Variants in ATRNL1 observed in about 807,000 individuals in gnomAD.
ATRNL1 encodes the protein attractin-like protein 1.
ATRNL1 carries 95 observed loss-of-function variants against 182.7 expected under a neutral mutation model. That is an observed-to-expected ratio of 0.52 (90% CI 0.44 to 0.62). The LOEUF (loss-of-function observed/expected upper bound fraction) is 0.62. Among genes scored for constraint, ATRNL1 ranks in the 20% least tolerant of loss-of-function variants. The pLI, the probability that ATRNL1 is intolerant of heterozygous loss-of-function variation, is 0.00. For missense variants in ATRNL1, 1,471 were observed against 1,679.5 expected (o/e 0.88, Z 2.17); for synonymous variants, 576 against 568.3 (o/e 1.01, Z -0.19).
chr10:115,368,957 G>C (rs997898544), intron 19 of ATRNL1, among the ~76,000 whole-genome samples: 1 of 151,964 alleles, frequency 6.6e-6, no homozygotes, highest in Non-Finnish European at 1.5e-5. Flanking sequence ...CAGGTGATCT[G>C]CCTGCCTTGG....
chr10:115,160,801 A>G (rs561334343), intron 6 of ATRNL1, among the ~76,000 whole-genome samples: 1 of 152,040 alleles, frequency 6.6e-6, no homozygotes, highest in East Asian at 1.9e-4. Flanking sequence ...GTAACAATAC[A>G]AAAGGAAATA....
chr10:115,836,109 A>G (rs1555095356), intron 27 of ATRNL1, among the ~76,000 whole-genome samples: 1 of 152,194 alleles, frequency 6.6e-6, no homozygotes, highest in East Asian at 1.9e-4. Context: ...TTCAATTTTA[A>G]GAACATCATC....
intron 8 of ATRNL1, among the ~76,000 whole-genome samples, chr10:115,187,680 T>TG (rs1461256298): frequency 3.3e-5 from 5 of 149,858 alleles, no homozygotes. Flanking sequence ...GTTTTTTTTT[T>TG]TTTTTTTTTT....
chr10:115,346,268 C>A (rs1554939681), intron 19 of ATRNL1, among the ~76,000 whole-genome samples: 2 of 152,266 alleles, frequency 1.3e-5, no homozygotes, highest in African/African-American at 4.8e-5. Context: ...CCCACTCCCC[C>A]ACCTCCTTCC....
Position 115,121,701 on chromosome 10 carries a change from C to A in ATRNL1, c.380C>A (p.Pro127Gln). 1.4e-6 allele frequency: 2 copies of A among 1,427,298 alleles called. No individual in the cohort carries two copies. The highest frequency in any genetic ancestry group is 2.1e-5 in the Admixed American group (1 of 48,674). 88.4% of individuals were successfully genotyped at this position (1,427,298 alleles called of 1,614,324 possible). The part of the protein sequence containing the change: ...TKCTWLIEGY[P>Q]NAVLRLRFNH... ...AAATATTTCATATTCATTTTCAGTCCAAATGCAGTGTTAAGATTAAGATTC... is the reference window on the plus strand; with the variant it reads ...AAATATTTCATATTCATTTTCAGTCAAAATGCAGTGTTAAGATTAAGATTC... Residue 127 changes from proline (P) to glutamine (Q), a missense_variant and splice_region_variant, in exon 3 of 29, where the codon CCA becomes CAA. Physicochemically the swap from Pro to Gln is moderately conservative, Grantham distance 76. Transcript: ENST00000355044.
intron 26 of ATRNL1, among the ~76,000 whole-genome samples, chr10:115,708,314 T>C (rs1239358697): frequency 6.6e-6 from 1 of 151,640 alleles, no homozygotes; most frequent in Non-Finnish European, 1.5e-5. Flanking sequence ...TTTTTGTGTC[T>C]TTAGCTTTTA....
intron 25 of ATRNL1, among the ~76,000 whole-genome samples, chr10:115,536,784 G>A (rs1398296053): frequency 6.6e-6 from 1 of 152,102 alleles, no homozygotes; most frequent in Non-Finnish European, 1.5e-5. Context: ...ATTTAATCAT[G>A]TTGTACATAA....
chr10:115,186,741 A>G lies in ATRNL1; in HGVS notation c.1348+15449A>G, dbSNP rs367833913. ...AGGATGATTAATGGGTGCAGAAAGTATATATACAATGAGTAAAATCCTCTA... is the reference window on the plus strand; with the variant it reads ...AGGATGATTAATGGGTGCAGAAAGTGTATATACAATGAGTAAAATCCTCTA... On this transcript the variant is annotated intron_variant, in intron 8 of 28. Coordinates refer to ENST00000355044, the MANE Select transcript of ATRNL1 (RefSeq NM_207303.4). Among the ~76,000 whole-genome samples the G allele has an allele frequency of 2.6e-5, 4 of 152,114 alleles. No homozygotes were observed. In the East Asian group the frequency reaches 7.7e-4, roughly 29 times the overall value.
chr10:115,447,546 G>A (rs1276192929), intron 21 of ATRNL1, among the ~76,000 whole-genome samples: 1 of 151,698 alleles, frequency 6.6e-6, no homozygotes, highest in Non-Finnish European at 1.5e-5. Context: ...TACATACTCT[G>A]TGAATCCTAC....
intron 21 of ATRNL1, 64 bp downstream of exon 21, chr10:115,426,366 G>T: frequency 1.7e-6 from 2 of 1,208,644 alleles, no homozygotes; most frequent in Non-Finnish European, 1.2e-6. Flanking sequence ...AAATAATAAA[G>T]GTCATCTTGA....
At chr10:115,851,201 A>G (rs574178433) in intron 28 of ATRNL1, among the ~76,000 whole-genome samples, 1 of 152,202 alleles carries the variant, frequency 6.6e-6, no homozygotes, top group South Asian at 2.1e-4. Flanking sequence ...TGGCATGAAT[A>G]AGAGCATTTA....
intron 24 of ATRNL1, among the ~76,000 whole-genome samples, chr10:115,501,213 C>T (rs2420083): frequency 0.39 from 58,803 of 151,906 alleles, 12,445 homozygotes; most frequent in Middle Eastern, 0.49. Flanking sequence ...GGATTACAGG[C>T]GTGAGCCACT....
chr10:115,224,285 C>T (rs570798792), intron 9 of ATRNL1, among the ~76,000 whole-genome samples: 2 of 151,840 alleles, frequency 1.3e-5, no homozygotes, highest in Non-Finnish European at 2.9e-5. Context: ...CTTAAAATTA[C>T]TGAATGATGA....
intron 5 of ATRNL1, among the ~76,000 whole-genome samples, chr10:115,137,817 A>G (rs10885660): frequency 0.21 from 32,224 of 152,058 alleles, 4,358 homozygotes; most frequent in Non-Finnish European, 0.3. Flanking sequence ...TTCAAAACCA[A>G]TGATGCCTTC....
chr10:115,657,632 G>C (rs1427081551), intron 26 of ATRNL1, among the ~76,000 whole-genome samples: 1 of 152,084 alleles, frequency 6.6e-6, no homozygotes, highest in Non-Finnish European at 1.5e-5. Flanking sequence ...AAAGTATCTT[G>C]GGCATTGCAG....
intron 25 of ATRNL1, among the ~76,000 whole-genome samples, chr10:115,549,015 AATTTAATATGTTCATATATAAAGGTT>A (rs1390403651): frequency 6.6e-6 from 1 of 152,140 alleles, no homozygotes; most frequent in African/African-American, 2.4e-5. Context: ...GTTCAGATGT[AATTTAATATGTTCATATATAAAGGTT>A]ATTTAATATG....
At chr10:115,205,981 C>G (rs1425237499) in intron 8 of ATRNL1, among the ~76,000 whole-genome samples, 1 of 152,078 alleles carries the variant, frequency 6.6e-6, no homozygotes, top group Non-Finnish European at 1.5e-5. Flanking sequence ...AGAGCCTCAT[C>G]TAGCATTTCT....
intron 26 of ATRNL1, among the ~76,000 whole-genome samples, chr10:115,576,629 A>G (rs782547310): frequency 5.3e-5 from 8 of 151,954 alleles, no homozygotes; most frequent in Non-Finnish European, 1.0e-4. Flanking sequence ...CATGTTTTGG[A>G]TATGAACCCC....
chr10:115,253,291 G>A, intron 10 of ATRNL1, among the ~76,000 whole-genome samples: 1 of 152,132 alleles, frequency 6.6e-6, no homozygotes, highest in East Asian at 1.9e-4. Context: ...CTTCTCCAAT[G>A]TTGGGCTGGA....
Sources: gnomAD v4.1 joint callset for allele counts (sites outside exome capture counted in the v4.1 genomes callset) on GRCh38, gnomAD v4.1.1 for gene constraint, MANE v1.5 for transcripts, NCBI Gene and HGNC (gene_info 2026-07-23, HGNC 2026-07-21) for gene names.